Variants in EXOSC8 observed in about 807,000 individuals in gnomAD.
EXOSC8 encodes exosome complex component RRP43.
EXOSC8 carries 37 observed loss-of-function variants against 39.9 expected under a neutral mutation model. That is an observed-to-expected ratio of 0.93 (90% confidence interval 0.71 to 1.22). The LOEUF is 1.22. EXOSC8 is among the 50% of genes most tolerant of loss of function. The pLI is 0.00. For synonymous variants in EXOSC8, 93 were observed against 109.5 expected (o/e 0.85, Z 0.94); for missense variants, 313 against 326.6 (o/e 0.96, Z 0.32).
At chr13:37,002,909 C>T (rs114554307) in intron 3 of EXOSC8, 25 bp from the exon 4 acceptor site, 5 of 1,534,364 alleles carry the variant, frequency 3.3e-6, no homozygotes, top group Non-Finnish European at 4.5e-6. Flanking sequence ...CTTTTATGAA[C>T]CTTTCATTTT....
intron 8 of EXOSC8, 73 bp downstream of exon 8, chr13:37,007,144 A>G: frequency 1.0e-6 from 1 of 955,524 alleles, no homozygotes; most frequent in South Asian, 1.3e-5. Context: ...CTTTTAATGT[A>G]CATTTGCTTT....
chr13:37,005,148 TC>T (rs1175890011), intron 5 of EXOSC8, among the ~76,000 whole-genome samples: 2 of 152,172 alleles, frequency 1.3e-5, no homozygotes, highest in East Asian at 3.9e-4. Context: ...TTTTTTTAAG[TC>T]AAAGAACTGT....
intron 7 of EXOSC8, among the ~76,000 whole-genome samples, chr13:37,006,738 G>A (rs932290244): frequency 3.9e-5 from 6 of 152,152 alleles, no homozygotes; most frequent in Admixed American, 1.3e-4. Context: ...TAAGGGAAAT[G>A]GACATGTTTG....
chr13:37,000,790 ACG>A lies in EXOSC8; in HGVS notation c.-11_-10del. 6.3e-7 allele frequency: 1 copy of A among 1,578,810 alleles called. No homozygotes were observed. The highest frequency in any genetic ancestry group is 8.6e-7 in the Non-Finnish European group (1 of 1,162,704). On this transcript the variant is annotated 5_prime_UTR_variant, in exon 1 of 11. Transcript: ENST00000389704. ...CAGGAGAGGAGCGGCGCAGGCGCAGACGCGCGGGCGGGAAGATGGCGGCTGGG... is the reference window on the plus strand; with the variant it reads ...CAGGAGAGGAGCGGCGCAGGCGCAGACGCGGGCGGGAAGATGGCGGCTGGG...
chr13:37,009,117 T>G, intron 10 of EXOSC8, 67 bp from the exon 11 acceptor site: 1 of 1,042,268 alleles, frequency 9.6e-7, no homozygotes, highest in South Asian at 1.4e-5. Context: ...TAATTTGACA[T>G]GACATTAATG....
chr13:37,007,052 G>GC lies in EXOSC8; in HGVS notation c.469dup (p.Leu157ProfsTer11). 4 of 1,611,974 alleles carry GC rather than the reference G, an allele frequency of 2.5e-6. No homozygotes were observed. The highest frequency in any genetic ancestry group is 3.4e-6 in the Non-Finnish European group (4 of 1,178,058). ...TTTTGGATGCCTGCACATTTGCTTT[G>GC]CTAGCGGCTTTAAAAAATGGTAAGC... On this transcript the variant is annotated frameshift_variant, in exon 8 of 11. Transcript: ENST00000389704. LOFTEE classifies it high-confidence loss of function.
chr13:37,001,023 TGAAAG>T (rs1019746808), intron 1 of EXOSC8, among the ~76,000 whole-genome samples: 1 of 152,100 alleles, frequency 6.6e-6, no homozygotes, highest in African/African-American at 2.4e-5. Context: ...AGACGGGAGA[TGAAAG>T]GACTCTGTAG....
intron 4 of EXOSC8, chr13:37,003,414 C>T (rs2059118868): frequency 6.0e-6 from 1 of 166,024 alleles, no homozygotes; most frequent in Non-Finnish European, 1.3e-5. Flanking sequence ...TTCCAGACAC[C>T]TTTTTAGGTG....
In EXOSC8 at chr13:37,005,884, AAG is replaced by A. The variant is rs1491081175; in HGVS notation, c.239-35_239-34del. On this transcript the variant is annotated intron_variant, in intron 5 of 10. Coordinates refer to ENST00000389704, the MANE Select transcript of EXOSC8 (RefSeq NM_181503.3). ...TCTCAAAAAAAAAAAAAAAAAAAAA[AAG>A]GTTTAGTTCATAGCTGCAGAGTGTT... 726 of 872,432 alleles carry A rather than the reference AAG, an allele frequency of 8.3e-4. 7 individuals carry two copies. In the African/African-American group the frequency reaches 0.012, roughly 14 times the overall value. The allele number at this position is 872,432 out of a possible 1,614,324, so 54.0% of individuals were successfully genotyped here.
intron 4 of EXOSC8, 64 bp from the exon 5 acceptor site, chr13:37,004,452 C>A: frequency 2.6e-6 from 3 of 1,166,000 alleles, no homozygotes; most frequent in Non-Finnish European, 3.8e-6. Context: ...TAACTGATTG[C>A]TAAATTGTCT....
Position 37,001,183 on chromosome 13 carries a change from C to T in EXOSC8, c.17+361C>T, listed in dbSNP as rs150546309. Among the ~76,000 whole-genome samples the T allele has an allele frequency of 2.4e-3, 366 of 152,182 alleles. 3 individuals are homozygous for T. Among genetic ancestry groups the T allele is most frequent in the African/African-American group, 8.1e-3 (338 of 41,526 alleles). On this transcript the variant is annotated intron_variant, in intron 1 of 10. Transcript: ENST00000389704. Reference sequence around the variant, plus strand: ...CCAGCACTTTGGAGGACGAGGCGGGCGGATCACCTGACGTCAGGAGTTCGA... The same window carrying T: ...CCAGCACTTTGGAGGACGAGGCGGGTGGATCACCTGACGTCAGGAGTTCGA...
intron 9 of EXOSC8, 88 bp downstream of exon 9, chr13:37,008,265 T>G: frequency 9.2e-7 from 1 of 1,092,700 alleles, no homozygotes; most frequent in Non-Finnish European, 1.4e-6. Context: ...GGAAGTGCTA[T>G]GGTGACCCTA....
At chr13:37,006,858 C>A in intron 7 of EXOSC8, 117 bp from the exon 8 acceptor site, 1 of 634,460 alleles carries the variant, frequency 1.6e-6, no homozygotes, top group South Asian at 2.0e-5. Context: ...GGTTTTTGAG[C>A]CTTGAAAGTT....
Position 37,002,479 on chromosome 13 carries a change from T to C in EXOSC8, c.55-9T>C. On this transcript the variant is annotated splice_polypyrimidine_tract_variant and intron_variant, in intron 2 of 10. Coordinates refer to ENST00000389704, the MANE Select transcript of EXOSC8 (RefSeq NM_181503.3). ...TATAATCTATTTTTATATAAACATATTTATTTAGAAAGAGAACTGCCGTCC... is the reference window on the plus strand; with the variant it reads ...TATAATCTATTTTTATATAAACATACTTATTTAGAAAGAGAACTGCCGTCC... 1 of 1,539,576 alleles carries C rather than the reference T, an allele frequency of 6.5e-7. No individual in the cohort carries two copies. The highest frequency in any genetic ancestry group is 8.8e-7 in the Non-Finnish European group (1 of 1,131,012).
At chr13:37,005,829 A>C (rs1593700766) in intron 5 of EXOSC8, 91 bp from the exon 6 acceptor site, 1 of 661,446 alleles carries the variant, frequency 1.5e-6, no homozygotes, top group East Asian at 2.8e-5. Context: ...GCACCAATGC[A>C]CTCCAGCCTG....
chr13:37,001,323 C>T (rs1475290694), intron 1 of EXOSC8, among the ~76,000 whole-genome samples: 1 of 151,952 alleles, frequency 6.6e-6, no homozygotes, highest in Non-Finnish European at 1.5e-5. Flanking sequence ...GCAGGAGAAT[C>T]GCTTGAACCC....
At chr13:37,002,395 T>A in intron 2 of EXOSC8, 86 bp downstream of exon 2, 1 of 1,388,354 alleles carries the variant, frequency 7.2e-7, no homozygotes, top group South Asian at 1.2e-5. Context: ...TTAATCCATT[T>A]GAAGTAACAT....
Position 37,009,211 on chromosome 13 carries a change from T to C in EXOSC8, c.743T>C (p.Leu248Pro). Residue 248 changes from leucine to proline, a missense_variant, in exon 11 of 11, where the codon CTT becomes CCT. Coordinates refer to ENST00000389704, the MANE Select transcript of EXOSC8 (RefSeq NM_181503.3). ...PGGSGLTGAK[L>P]QDCMSRAVTR... ...GGAAGTGGGCTAACTGGAGCTAAAC[T>C]TCAGGACTGTATGAGCCGAGCAGTT... The C allele has an allele frequency of 1.2e-6, 2 of 1,613,452 alleles. No homozygotes were observed. The highest frequency in any genetic ancestry group is 1.7e-6 in the Non-Finnish European group (2 of 1,179,578).
chr13:37,008,076 T>C lies in EXOSC8; in HGVS notation c.507T>C (p.Thr169=). Residue 169 remains threonine, a synonymous_variant, in exon 9 of 11, where the codon ACT becomes ACC. Coordinates refer to ENST00000389704, the MANE Select transcript of EXOSC8 (RefSeq NM_181503.3). Reference sequence around the variant, plus strand: ...TCTTAGTACAGTTGCCTGAAGTTACTATAAATGAAGAAACTGCTTTAGCAG... The same window carrying C: ...TCTTAGTACAGTTGCCTGAAGTTACCATAAATGAAGAAACTGCTTTAGCAG... ...ALKNVQLPEV[T]INEETALAEV... 6.3e-7 allele frequency: 1 copy of C among 1,597,122 alleles called. No individual in the cohort carries two copies. Among genetic ancestry groups the C allele is most frequent in the Non-Finnish European group, 8.5e-7 (1 of 1,170,774 alleles).
Sources: gnomAD v4.1 joint callset for allele counts (sites outside exome capture counted in the v4.1 genomes callset) on GRCh38, gnomAD v4.1.1 for gene constraint, MANE v1.5 for transcripts, NCBI Gene and HGNC (gene_info 2026-07-23, HGNC 2026-07-21) for gene names.